Variants in ZNF320 observed in about 807,000 individuals in gnomAD.
ZNF320 encodes zinc finger protein 320.
ZNF320 carries 2 observed loss-of-function variants against 6.8 expected under a neutral mutation model. The ratio of observed to expected loss-of-function variants is 0.29; its 90% confidence interval spans 0.12 to 0.93. The LOEUF is 0.93. Among genes scored for constraint, ZNF320 ranks in the 40% least tolerant of loss-of-function variants. The pLI is 0.55. For missense variants in ZNF320, 472 were observed against 611.0 expected (o/e 0.77, Z 2.40); for synonymous variants, 208 against 203.2 (o/e 1.02, Z -0.20).
chr19:52,894,680 T>C (rs1021765042), intron 1 of ZNF320, among the ~76,000 whole-genome samples: 2 of 151,944 alleles, frequency 1.3e-5, no homozygotes, highest in Non-Finnish European at 1.5e-5. Flanking sequence ...GAGACCATCC[T>C]GGTCCACATG....
At chr19:52,862,319 C>G in exon 6 of ZNF320, 1 of 537,332 alleles carries the variant, frequency 1.9e-6, no homozygotes, top group Middle Eastern at 3.2e-4. Context: ...GTGAATCACA[C>G]CCAAAATCCT....
At chr19:52,883,872 C>T (rs999219097) in intron 5 of ZNF320, among the ~76,000 whole-genome samples, 5 of 152,088 alleles carry the variant, frequency 3.3e-5, no homozygotes, top group African/African-American at 1.2e-4. Flanking sequence ...GCACTCTAGC[C>T]TGGGCAACAA....
intron 1 of ZNF320, among the ~76,000 whole-genome samples, chr19:52,896,027 C>T (rs2064460099): frequency 6.6e-6 from 1 of 152,110 alleles, no homozygotes; most frequent in East Asian, 1.9e-4. Context: ...AAATTTTGAA[C>T]TCATATCATA....
chr19:52,864,942 G>T (rs1228008623), intron 5 of ZNF320, among the ~76,000 whole-genome samples: 2 of 152,088 alleles, frequency 1.3e-5, no homozygotes, highest in African/African-American at 2.4e-5. Flanking sequence ...GAACCTGGGA[G>T]GTAGAGCTTG....
chr19:52,900,462 A>G (rs1863918662), upstream of ZNF320, among the ~76,000 whole-genome samples: 2 of 152,164 alleles, frequency 1.3e-5, no homozygotes, highest in South Asian at 4.1e-4. Context: ...CGGGCTTCCT[A>G]TGGCCATTGA....
intron 5 of ZNF320, among the ~76,000 whole-genome samples, chr19:52,884,516 C>T (rs1348833326): frequency 3.3e-5 from 5 of 152,132 alleles, no homozygotes; most frequent in Non-Finnish European, 7.3e-5. Flanking sequence ...TGGGGTTTTA[C>T]CATATTGGCC....
exon 6 of ZNF320, among the ~76,000 whole-genome samples, chr19:52,863,146 GAC>G (rs2063495797): frequency 6.6e-6 from 1 of 152,076 alleles, no homozygotes; most frequent in South Asian, 2.1e-4. Flanking sequence ...TTTTAGTAGA[GAC>G]AGGGTTTTGT....
downstream of ZNF320, among the ~76,000 whole-genome samples, chr19:52,860,068 A>G (rs976472001): frequency 1.4e-4 from 21 of 151,740 alleles, no homozygotes; most frequent in Non-Finnish European, 2.6e-4. Flanking sequence ...GCCCGCCACC[A>G]CGCCCGGCTA....
Position 52,876,343 on chromosome 19 carries a change from T to C in ZNF320, c.*4253A>G, listed in dbSNP as rs1742748719. The C allele has an allele frequency of 6.6e-6, 1 of 152,106 alleles. No individual in the cohort carries two copies. The highest frequency in any genetic ancestry group is 2.1e-4 in the South Asian group (1 of 4,822). The allele number at this position is 152,106 out of a possible 1,614,324, so 9.4% of individuals were successfully genotyped here. A position where few individuals can be genotyped will look rare whatever the true frequency, so the allele number is the denominator to read the frequency against. On this transcript the variant is annotated 3_prime_UTR_variant, in exon 6 of 6. Coordinates refer to ENST00000682928, the MANE Select transcript of ZNF320 (RefSeq NM_001351774.2). ...AGTCCTCAATGTAAACTAAACACAA[T>C]AAATTTCAGAGAAAAACAATTTTAA...
rs1296652940 is a variant in ZNF320, at chr19:52,880,869, G to A, written c.1257C>T (p.Asp419=). ...GEKLYECEEC[D]KVYIRKSHLE... The stretch of plus-strand genomic sequence containing the variant: ...GGTGTGATTTGCGAATGTAAACTTT[G>A]TCACATTCTTCACATTCGTAAAGTT... Residue 419 remains aspartate, a synonymous_variant, in exon 6 of 6, where the codon GAC becomes GAT. Coordinates refer to ENST00000682928, the MANE Select transcript of ZNF320 (RefSeq NM_001351774.2). 6 of 1,613,944 alleles carry A rather than the reference G, an allele frequency of 3.7e-6. No individual in the cohort carries two copies. The South Asian group carries it at 4.4e-5, about 12-fold the overall frequency.
At chr19:52,896,292 T>C (rs1044901004) in intron 1 of ZNF320, among the ~76,000 whole-genome samples, 1 of 152,214 alleles carries the variant, frequency 6.6e-6, no homozygotes, top group East Asian at 1.9e-4. Flanking sequence ...GATTTCGCCA[T>C]GTTGACTAGG....
chr19:52,899,752 C>T (rs576234548), upstream of ZNF320, among the ~76,000 whole-genome samples: 5 of 152,176 alleles, frequency 3.3e-5, no homozygotes, highest in East Asian at 1.9e-4. Flanking sequence ...TGAGCCACCG[C>T]GCCCGGTGAT....
At chr19:52,883,534 C>G (rs1011961498) in intron 5 of ZNF320, 2 of 437,710 alleles carry the variant, frequency 4.6e-6, no homozygotes, top group African/African-American at 4.1e-5. Flanking sequence ...AACATAAGAA[C>G]TGAAATACAT....
At chr19:52,860,617 GA>G (rs1053403673), downstream of ZNF320, among the ~76,000 whole-genome samples, 1 of 147,926 alleles carries the variant, frequency 6.8e-6, no homozygotes, top group African/African-American at 2.5e-5. Flanking sequence ...AAAAGAAAAA[GA>G]AAAAAAAGCT....
intron 5 of ZNF320, among the ~76,000 whole-genome samples, chr19:52,869,953 T>TG (rs2063650367): frequency 1.3e-5 from 2 of 151,458 alleles, no homozygotes; most frequent in South Asian, 4.2e-4. Context: ...CCTGACCTCG[T>TG]GATCCACCCG....
At chr19:52,870,990 C>CA (rs1448457913) in intron 5 of ZNF320, among the ~76,000 whole-genome samples, 1 of 151,366 alleles carries the variant, frequency 6.6e-6, no homozygotes, top group African/African-American at 2.4e-5. Context: ...ACTAAGAATA[C>CA]AAAAAAATTA....
chr19:52,862,257 T>C (rs1466818260), exon 6 of ZNF320: 6 of 685,602 alleles, frequency 8.8e-6, no homozygotes, highest in Non-Finnish European at 1.2e-5. Context: ...GCCACACTCA[T>C]TACACTTGTA....
chr19:52,878,584 A>T lies in ZNF320; in HGVS notation c.*2012T>A, dbSNP rs949669703. 8 of 152,096 alleles carry T rather than the reference A, an allele frequency of 5.3e-5. No individual in the cohort carries two copies. Among genetic ancestry groups the T allele is most frequent in the African/African-American group, 1.9e-4 (8 of 41,416 alleles). The allele number at this position is 152,096 out of a possible 1,614,324, so 9.4% of individuals were successfully genotyped here. A position where few individuals can be genotyped will look rare whatever the true frequency, so the allele number is the denominator to read the frequency against. On this transcript the variant is annotated 3_prime_UTR_variant, in exon 6 of 6. Coordinates refer to ENST00000682928, the MANE Select transcript of ZNF320 (RefSeq NM_001351774.2). The stretch of plus-strand genomic sequence containing the variant: ...TTTCAACATCATCTTGTCCCAACTT[A>T]AAATAAGTTTTCCATTTACAAACTG...
At chr19:52,889,115 C>T (rs1200927321) in intron 4 of ZNF320, among the ~76,000 whole-genome samples, 2 of 151,192 alleles carry the variant, frequency 1.3e-5, no homozygotes, top group Admixed American at 6.6e-5. Flanking sequence ...ACCTGGGCGG[C>T]GGAGTTTGCA....
Sources: gnomAD v4.1 joint callset for allele counts (sites outside exome capture counted in the v4.1 genomes callset) on GRCh38, gnomAD v4.1.1 for gene constraint, MANE v1.5 for transcripts, NCBI Gene and HGNC (gene_info 2026-07-23, HGNC 2026-07-21) for gene names.